Variants in RSRC1 observed in about 807,000 individuals in gnomAD.
RSRC1 encodes the protein serine/Arginine-related protein 53.
In RSRC1, 39 loss-of-function variants were observed where a neutral mutation model predicts 49.1. That is an observed-to-expected ratio of 0.79 (90% CI 0.61 to 1.04). The LOEUF (loss-of-function observed/expected upper bound fraction) is 1.04. Ranked by LOEUF, RSRC1 falls within the 50% of genes least tolerant of loss-of-function variation. The pLI, the probability that RSRC1 is intolerant of heterozygous loss-of-function variation, is 0.00. For synonymous variants in RSRC1, 143 were observed against 130.8 expected, an observed-to-expected ratio of 1.09 and a Z score of -0.63; for missense variants, 388 against 402.4, an observed-to-expected ratio of 0.96 and a Z score of 0.31.
chr3:158,251,073 G>A (rs1389845601), intron 4 of RSRC1, among the ~76,000 whole-genome samples: 2 of 151,964 alleles, frequency 1.3e-5, no homozygotes, highest in African/African-American at 4.8e-5. Flanking sequence ...AGTTTTCCCA[G>A]CACTGTCCTT....
At chr3:158,323,517 A>G (rs184283713) in intron 5 of RSRC1, among the ~76,000 whole-genome samples, 1 of 152,260 alleles carries the variant, frequency 6.6e-6, no homozygotes, top group East Asian at 1.9e-4. Context: ...AGAGTTTTTA[A>G]TCTGCTATGG....
intron 3 of RSRC1, among the ~76,000 whole-genome samples, chr3:158,162,875 A>T (rs190874067): frequency 2.4e-4 from 36 of 152,208 alleles, no homozygotes; most frequent in Admixed American, 2.4e-3. Flanking sequence ...TAAAATTTGA[A>T]CTCTTCAGGA....
chr3:158,134,034 A>G (rs1294662549), intron 3 of RSRC1, among the ~76,000 whole-genome samples: 5 of 152,210 alleles, frequency 3.3e-5, no homozygotes, highest in Non-Finnish European at 5.9e-5. Context: ...TGATACAAGC[A>G]TGCATGATAT....
At chr3:158,171,570 G>C (rs1274297722) in intron 3 of RSRC1, among the ~76,000 whole-genome samples, 2 of 152,026 alleles carry the variant, frequency 1.3e-5, no homozygotes, top group African/African-American at 4.8e-5. Context: ...AGAAATTTTG[G>C]CACTGAAAAA....
At chr3:158,303,604 C>T (rs1274070724) in intron 5 of RSRC1, 1 of 152,074 alleles carries the variant, frequency 6.6e-6, no homozygotes, top group Non-Finnish European at 1.5e-5. Flanking sequence ...TGACCACCAG[C>T]AAGAAAAATA....
chr3:158,516,958 T>C (rs2363655), intron 7 of RSRC1, among the ~76,000 whole-genome samples: 78,618 of 152,044 alleles, frequency 0.52, 20,792 homozygotes, highest in African/African-American at 0.62. Context: ...CTTTGGCTCG[T>C]GCACGGTGCA....
intron 3 of RSRC1, among the ~76,000 whole-genome samples, chr3:158,200,046 C>CT (rs982987128): frequency 1.1e-4 from 17 of 150,902 alleles, no homozygotes; most frequent in Admixed American, 8.6e-4. Context: ...TATCCATTTA[C>CT]TTTTTTTTTG....
chr3:158,478,762 A>C (rs1279851518), intron 7 of RSRC1, among the ~76,000 whole-genome samples: 1 of 152,048 alleles, frequency 6.6e-6, no homozygotes, highest in Non-Finnish European at 1.5e-5. Flanking sequence ...ATGATTGTGA[A>C]TCAGAAGTCT....
intron 6 of RSRC1, among the ~76,000 whole-genome samples, chr3:158,459,224 A>G (rs949284678): frequency 2.0e-5 from 3 of 152,156 alleles, no homozygotes; most frequent in Admixed American, 6.6e-5. Flanking sequence ...TAAAAAAAAC[A>G]TATAAAATAA....
At chr3:158,508,609 A>G (rs1261814849) in intron 7 of RSRC1, among the ~76,000 whole-genome samples, 1 of 152,062 alleles carries the variant, frequency 6.6e-6, no homozygotes, top group African/African-American at 2.4e-5. Flanking sequence ...TGAAGTGAAA[A>G]ATTCCAGAAA....
chr3:158,487,950 A>G (rs111485861), intron 7 of RSRC1, among the ~76,000 whole-genome samples: 1,086 of 28,582 alleles, frequency 0.038, 21 homozygotes, highest in African/African-American at 0.15. Flanking sequence ...CCATCTCAAG[A>G]AAAAAAAAAA....
At chr3:158,269,146 G>A (rs541117952) in intron 4 of RSRC1, among the ~76,000 whole-genome samples, 2 of 151,794 alleles carry the variant, frequency 1.3e-5, no homozygotes, top group Non-Finnish European at 2.9e-5. Context: ...TTGCTGAATT[G>A]CCAGTTAATT....
intron 3 of RSRC1, among the ~76,000 whole-genome samples, chr3:158,125,871 A>G (rs1421460315): frequency 4.6e-5 from 7 of 152,086 alleles, no homozygotes; most frequent in African/African-American, 1.7e-4. Flanking sequence ...TTTACTTTAT[A>G]TATTTGAGTG....
At chr3:158,265,558 G>A (rs1270607128) in intron 4 of RSRC1, among the ~76,000 whole-genome samples, 1 of 151,970 alleles carries the variant, frequency 6.6e-6, no homozygotes, top group African/African-American at 2.4e-5. Context: ...TTGAAACCGG[G>A]AGGCAGAGGT....
At chr3:158,286,399 A>G (rs142292588) in intron 4 of RSRC1, among the ~76,000 whole-genome samples, 127 of 152,308 alleles carry the variant, frequency 8.3e-4, no homozygotes, top group Middle Eastern at 3.4e-3. Context: ...TGATAAAATC[A>G]TAAGTGTTAA....
chr3:158,247,759 C>T (rs1723986318), intron 4 of RSRC1, among the ~76,000 whole-genome samples: 1 of 152,138 alleles, frequency 6.6e-6, no homozygotes, highest in South Asian at 2.1e-4. Flanking sequence ...GCAGCCTGCC[C>T]CTTCCTCTAG....
chr3:158,235,648 A>G (rs1354942630), intron 4 of RSRC1, among the ~76,000 whole-genome samples: 4 of 115,202 alleles, frequency 3.5e-5, no homozygotes, highest in African/African-American at 1.4e-4. Context: ...ATGTTTACAT[A>G]TAATTTTTCT....
chr3:158,322,793 C>T (rs1728837377), intron 5 of RSRC1, among the ~76,000 whole-genome samples: 1 of 151,844 alleles, frequency 6.6e-6, no homozygotes, highest in Non-Finnish European at 1.5e-5. Flanking sequence ...GTTCATTTTC[C>T]TTCAATGTTT....
rs554689320 is a variant in RSRC1, at chr3:158,163,188, A to G, written c.320+39197A>G. The stretch of plus-strand genomic sequence containing the variant: ...TGGCTAATTTTTATATTTTTAGTAG[A>G]GATGGGGTTTCACCATGTTGGCCAG... On this transcript the variant is annotated intron_variant, in intron 3 of 9. Coordinates refer to ENST00000611884, the MANE Select transcript of RSRC1 (RefSeq NM_001271838.2). 1.8e-4 allele frequency among the ~76,000 whole-genome samples: 28 copies of G among 152,220 alleles called. No homozygotes were observed. In the East Asian group the frequency reaches 3.1e-3, roughly 17 times the overall value.
Sources: gnomAD v4.1 joint callset for allele counts (sites outside exome capture counted in the v4.1 genomes callset) on GRCh38, gnomAD v4.1.1 for gene constraint, MANE v1.5 for transcripts, NCBI Gene and HGNC (gene_info 2026-07-23, HGNC 2026-07-21) for gene names.